The following LTAP1 variants were observed in gnomAD, a reference collection of about 807,000 sequenced individuals.
LTAP1 encodes the protein HCV NS5A-transactivated protein 4.
the LTAP1 span, among the ~76,000 whole-genome samples, chr1:154,210,167 T>C: frequency 6.6e-6 from 1 of 151,820 alleles, no homozygotes; most frequent in African/African-American, 2.4e-5. Flanking sequence ...GCCTCTGGAA[T>C]AGCTGGGATT....
At chr1:154,209,794 G>A in the LTAP1 span, among the ~76,000 whole-genome samples, 2 of 150,982 alleles carry the variant, frequency 1.3e-5, no homozygotes, top group African/African-American at 2.4e-5. Flanking sequence ...TGGTTTTCAC[G>A]TTAGCCAGGA....
the LTAP1 span, among the ~76,000 whole-genome samples, chr1:154,210,314 T>C: frequency 2.6e-5 from 4 of 152,158 alleles, no homozygotes; most frequent in Non-Finnish European, 4.4e-5. Context: ...GCTGGGATTA[T>C]AGACGTGAGC....
At chr1:154,211,324 C>CTTTTTTTTTTTTTT in the LTAP1 span, among the ~76,000 whole-genome samples, 1 of 34,028 alleles carries the variant, frequency 2.9e-5, no homozygotes, top group Non-Finnish European at 5.1e-5. Flanking sequence ...TTATTTAATT[C>CTTTTTTTTTTTTTT]TTTTTTTTTT....
At chr1:154,207,228 T>A in the LTAP1 span, 1 of 417,296 alleles carries the variant, frequency 2.4e-6, no homozygotes, top group Non-Finnish European at 4.3e-6. Flanking sequence ...AAAAAAGCGC[T>A]ACTGGGGGAA....
the LTAP1 span, chr1:154,212,561 T>C: frequency 2.5e-4 from 403 of 1,614,064 alleles, 1 homozygote; most frequent in Non-Finnish European, 3.0e-4. Context: ...ATCCAGCAGG[T>C]AGGAGCGGAA....
the LTAP1 span, chr1:154,214,676 TAG>T: frequency 1.4e-6 from 1 of 691,868 alleles, no homozygotes; most frequent in South Asian, 1.9e-5. Flanking sequence ...ACAACAGAAA[TAG>T]AGACCATGCT....
chr1:154,220,577 A>C, the LTAP1 span: 3 of 664,332 alleles, frequency 4.5e-6, no homozygotes, highest in East Asian at 2.7e-5. Context: ...CAGGCAGGAG[A>C]GCTGGGAAAG....
At chr1:154,208,109 A>C in the LTAP1 span, among the ~76,000 whole-genome samples, 1 of 151,106 alleles carries the variant, frequency 6.6e-6, no homozygotes, top group East Asian at 2.0e-4. Context: ...AAAAAAAAAA[A>C]AGTAGCAGAG....
chr1:154,209,520 G>A, the LTAP1 span, among the ~76,000 whole-genome samples: 1 of 150,500 alleles, frequency 6.6e-6, no homozygotes, highest in Non-Finnish European at 1.5e-5. Context: ...CTGCCTCCCA[G>A]GCACAAGTGG....
At chr1:154,212,669 CT>C in the LTAP1 span, 333 of 1,581,106 alleles carry the variant, frequency 2.1e-4, no homozygotes, top group South Asian at 3.6e-4. Flanking sequence ...ATTCTTTAGT[CT>C]TTTTTTTTGA....
At chr1:154,210,517 G>A in the LTAP1 span, among the ~76,000 whole-genome samples, 5 of 152,002 alleles carry the variant, frequency 3.3e-5, no homozygotes, top group South Asian at 2.1e-4. Context: ...TCGCTCTGTC[G>A]CCTAGGCTGG....
At chr1:154,220,283 AGGAGGGTCTCTACTGGGTAAGAT>A in the LTAP1 span, 8 of 1,594,844 alleles carry the variant, frequency 5.0e-6, no homozygotes, top group Non-Finnish European at 5.2e-6. Flanking sequence ...ACAGCTCAAA[AGGAGGGTCTCTACTGGGTAAGAT>A]GCGACAGCAG....
the LTAP1 span, among the ~76,000 whole-genome samples, chr1:154,210,552 A>G: frequency 6.6e-6 from 1 of 152,152 alleles, no homozygotes. Flanking sequence ...ATCTTGGCTC[A>G]CTGCAACCTC....
chr1:154,212,345 C>T, the LTAP1 span: 16 of 1,614,124 alleles, frequency 9.9e-6, no homozygotes, highest in South Asian at 3.3e-5. Context: ...CTCAGGGCCT[C>T]CTGATAGCGT....
At chr1:154,219,730 G>A in the LTAP1 span, 4 of 864,930 alleles carry the variant, frequency 4.6e-6, no homozygotes, top group Non-Finnish European at 7.1e-6. Flanking sequence ...ACAAGTGCAC[G>A]CAAAGAAACA....
the LTAP1 span, chr1:154,220,507 T>A: frequency 7.4e-7 from 1 of 1,350,238 alleles, no homozygotes; most frequent in East Asian, 2.3e-5. Context: ...CCCCTGGAGC[T>A]CCCCGGCCAT....
At chr1:154,216,030 G>C in the LTAP1 span, among the ~76,000 whole-genome samples, 2 of 151,810 alleles carry the variant, frequency 1.3e-5, no homozygotes, top group African/African-American at 4.8e-5. Context: ...GTAGAGACGG[G>C]GTTTCACCTT....
chr1:154,217,191 C>G, the LTAP1 span, among the ~76,000 whole-genome samples: 1 of 146,316 alleles, frequency 6.8e-6, no homozygotes, highest in Non-Finnish European at 1.5e-5. Context: ...TCAGGTGATC[C>G]ACCTGCCTCA....
At chr1:154,214,003 C>T in the LTAP1 span, 92 of 1,517,390 alleles carry the variant, frequency 6.1e-5, no homozygotes, top group South Asian at 1.8e-4. Flanking sequence ...CCAGGCTGGG[C>T]GTGGTGGCTC....
Sources: gnomAD v4.1 joint callset for allele counts (sites outside exome capture counted in the v4.1 genomes callset) on GRCh38, gnomAD v4.1.1 for gene constraint, MANE v1.5 for transcripts, NCBI Gene and HGNC (gene_info 2026-07-23, HGNC 2026-07-21) for gene names.